The following CD2AP variants were observed in gnomAD, a reference collection of about 807,000 sequenced individuals.
CD2AP encodes CD2 associated protein, also known as CD2-associated protein.
CD2AP carries 46 observed loss-of-function variants against 85.1 expected under a neutral mutation model. That is an observed-to-expected ratio of 0.54 (90% CI 0.43 to 0.69). The LOEUF is 0.69. CD2AP is among the 30% of genes least tolerant of loss of function. The pLI is 0.00. For synonymous variants in CD2AP, 255 were observed against 252.9 expected (o/e 1.01, Z -0.08); for missense variants, 769 against 729.5 (o/e 1.05, Z -0.62).
intron 4 of CD2AP, among the ~76,000 whole-genome samples, chr6:47,547,201 A>T (rs530197129): frequency 6.6e-6 from 1 of 152,322 alleles, no homozygotes; most frequent in African/African-American, 2.4e-5. Context: ...TCACATGTCA[A>T]TACTAATGTT....
At chr6:47,557,834 T>C (rs1382685198) in intron 5 of CD2AP, among the ~76,000 whole-genome samples, 1 of 152,236 alleles carries the variant, frequency 6.6e-6, no homozygotes, top group East Asian at 1.9e-4. Flanking sequence ...ATATGAAACA[T>C]AAAGTAGTTT....
chr6:47,556,059 T>C (rs999514561), intron 5 of CD2AP, among the ~76,000 whole-genome samples: 3 of 151,436 alleles, frequency 2.0e-5, no homozygotes, highest in Admixed American at 6.6e-5. Context: ...CCTTTTCTTT[T>C]TTTTTTTTTT....
At position 47,576,610 on chromosome 6, in the gene CD2AP, T is replaced by G. The variant is rs764126956; in HGVS notation, c.808+8T>G. On this transcript the variant is annotated splice_region_variant and intron_variant, in intron 7 of 17. Coordinates refer to ENST00000359314, the MANE Select transcript of CD2AP (RefSeq NM_012120.3). ...CCGAAGGTAAAATTAAAGGTATGTT[T>G]TTGAATAAAGCTTTCATATTGGGAA... The G allele has an allele frequency of 9.5e-6, 15 of 1,578,658 alleles. No individual in the cohort carries two copies. Among genetic ancestry groups the G allele is most frequent in the Non-Finnish European group, 1.3e-5 (15 of 1,148,674 alleles).
At chr6:47,576,459 C>T in intron 6 of CD2AP, 65 bp from the exon 7 acceptor site, 1 of 1,095,136 alleles carries the variant, frequency 9.1e-7, no homozygotes, top group South Asian at 1.2e-5. Flanking sequence ...TAAATGGAAA[C>T]TTTGTTTAAC....
intron 1 of CD2AP, among the ~76,000 whole-genome samples, chr6:47,496,416 C>G (rs1185745887): frequency 6.6e-6 from 1 of 152,090 alleles, no homozygotes; most frequent in African/African-American, 2.4e-5. Context: ...ATATTACAAA[C>G]TTAATTATGA....
At chr6:47,507,735 G>A (rs1264731921) in intron 2 of CD2AP, among the ~76,000 whole-genome samples, 3 of 152,164 alleles carry the variant, frequency 2.0e-5, no homozygotes, top group African/African-American at 4.8e-5. Flanking sequence ...GTGAGCCACC[G>A]TGCCTGGCCA....
chr6:47,570,912 G>A (rs1768131049), intron 5 of CD2AP, among the ~76,000 whole-genome samples: 1 of 152,110 alleles, frequency 6.6e-6, no homozygotes, highest in African/African-American at 2.4e-5. Context: ...GCCAAAAATA[G>A]CCTATCCATT....
chr6:47,622,189 A>G (rs1297009675), intron 17 of CD2AP, among the ~76,000 whole-genome samples: 1 of 152,092 alleles, frequency 6.6e-6, no homozygotes, highest in Admixed American at 6.5e-5. Context: ...TCTTAATCCC[A>G]CCGTGCCTCC....
At chr6:47,611,247 T>C (rs1470381805) in intron 16 of CD2AP, among the ~76,000 whole-genome samples, 1 of 151,476 alleles carries the variant, frequency 6.6e-6, no homozygotes, top group Non-Finnish European at 1.5e-5. Flanking sequence ...ACGCAATCAG[T>C]GTATTTCATT....
intron 4 of CD2AP, among the ~76,000 whole-genome samples, chr6:47,549,884 A>C (rs1767467124): frequency 1.3e-5 from 2 of 152,204 alleles, no homozygotes; most frequent in Admixed American, 6.5e-5. Flanking sequence ...GGAACAGAAT[A>C]GAGAACCCAG....
intron 13 of CD2AP, among the ~76,000 whole-genome samples, chr6:47,600,196 T>C (rs1426571732): frequency 1.3e-5 from 2 of 151,922 alleles, no homozygotes; most frequent in African/African-American, 4.8e-5. Context: ...TGCTTTTTTT[T>C]CCTATTTGGT....
At position 47,487,892 on chromosome 6, in the gene CD2AP, T is replaced by G. The variant is rs374537627; in HGVS notation, c.4+9644T>G. Among the ~76,000 whole-genome samples, 6 of 152,286 alleles carry G rather than the reference T, an allele frequency of 3.9e-5. No homozygotes were observed. In the East Asian group the frequency reaches 9.6e-4, roughly 24 times the overall value. On this transcript the variant is annotated intron_variant, in intron 1 of 17. Coordinates refer to ENST00000359314, the MANE Select transcript of CD2AP (RefSeq NM_012120.3). ...CACTAAGTCTGATTCAGTAATACTTTAATTTGGAGTAATTGGGTAGAGAGG... is the reference window on the plus strand; with the variant it reads ...CACTAAGTCTGATTCAGTAATACTTGAATTTGGAGTAATTGGGTAGAGAGG...
chr6:47,585,117 C>A (rs1047516034), intron 11 of CD2AP, among the ~76,000 whole-genome samples: 1 of 151,568 alleles, frequency 6.6e-6, no homozygotes, highest in Admixed American at 6.6e-5. Context: ...CACGGTGAAA[C>A]CCCGTCTCTA....
chr6:47,540,004 C>T (rs948605501), intron 3 of CD2AP, among the ~76,000 whole-genome samples: 5 of 127,308 alleles, frequency 3.9e-5, no homozygotes, highest in Admixed American at 7.8e-5. Context: ...CATGGCAAAC[C>T]CCATCTCTAC....
chr6:47,503,499 T>C, intron 2 of CD2AP, 59 bp downstream of exon 2: 1 of 1,372,570 alleles, frequency 7.3e-7, no homozygotes, highest in Non-Finnish European at 1.0e-6. Context: ...CTTTAAATGT[T>C]AAGAAATAGA....
At chr6:47,494,724 C>A (rs747093988) in intron 1 of CD2AP, among the ~76,000 whole-genome samples, 5 of 152,212 alleles carry the variant, frequency 3.3e-5, no homozygotes, top group East Asian at 1.9e-4. Flanking sequence ...CTAGGAGTTT[C>A]CCACTTTCAT....
At chr6:47,481,426 A>G (rs1183786676) in intron 1 of CD2AP, among the ~76,000 whole-genome samples, 3 of 151,752 alleles carry the variant, frequency 2.0e-5, no homozygotes, top group South Asian at 4.2e-4. Context: ...GCTCACCGCA[A>G]CCTCCGCCTC....
At chr6:47,513,900 G>GA (rs1297151163) in intron 2 of CD2AP, among the ~76,000 whole-genome samples, 2 of 145,928 alleles carry the variant, frequency 1.4e-5, no homozygotes, top group Non-Finnish European at 3.0e-5. Flanking sequence ...TTTGGGGGGG[G>GA]GGCTAGCCTT....
At chr6:47,524,047 A>G (rs997772875) in intron 2 of CD2AP, among the ~76,000 whole-genome samples, 3 of 152,194 alleles carry the variant, frequency 2.0e-5, no homozygotes, top group Non-Finnish European at 4.4e-5. Flanking sequence ...CCCCTTTTAC[A>G]TACTATTCTT....
Sources: gnomAD v4.1 joint callset for allele counts (sites outside exome capture counted in the v4.1 genomes callset) on GRCh38, gnomAD v4.1.1 for gene constraint, MANE v1.5 for transcripts, NCBI Gene and HGNC (gene_info 2026-07-23, HGNC 2026-07-21) for gene names.